EDIL3: variants seen among roughly 807,000 people sequenced by gnomAD.
EDIL3 encodes the protein EGF like and discoidin domains 3, also known as EGF-like repeat and discoidin I-like domain-containing protein 3.
EDIL3 carries 37 observed loss-of-function variants against 67.4 expected under a neutral mutation model. That is an observed-to-expected ratio of 0.55 (90% confidence interval 0.42 to 0.72). The LOEUF (loss-of-function observed/expected upper bound fraction) is 0.72. EDIL3 is among the 30% of genes least tolerant of loss of function. EDIL3 has a pLI of 0.00. For missense variants in EDIL3, 527 were observed against 586.3 expected, an observed-to-expected ratio of 0.90 and a Z score of 1.04; for synonymous variants, 195 against 196.3, an observed-to-expected ratio of 0.99 and a Z score of 0.05.
At chr5:84,190,445 G>T (rs1743555568) in intron 3 of EDIL3, among the ~76,000 whole-genome samples, 1 of 151,450 alleles carries the variant, frequency 6.6e-6, no homozygotes, top group African/African-American at 2.4e-5. Flanking sequence ...TATCACCCAG[G>T]TTTGCCATTA....
chr5:84,106,101 T>A (rs1418032142), intron 6 of EDIL3, among the ~76,000 whole-genome samples: 1 of 152,090 alleles, frequency 6.6e-6, no homozygotes, highest in Non-Finnish European at 1.5e-5. Context: ...TGCTACCCCC[T>A]CTGGGAAATC....
At chr5:84,253,393 GA>G (rs1049979507) in intron 2 of EDIL3, among the ~76,000 whole-genome samples, 1 of 152,146 alleles carries the variant, frequency 6.6e-6, no homozygotes, top group Non-Finnish European at 1.5e-5. Flanking sequence ...TAGTTAGAGA[GA>G]AAATCTCTGC....
chr5:84,074,417 C>A, intron 6 of EDIL3, among the ~76,000 whole-genome samples: 1 of 152,170 alleles, frequency 6.6e-6, no homozygotes, highest in African/African-American at 2.4e-5. Flanking sequence ...ATTCAACCCA[C>A]AAAATGGGAG....
At chr5:84,107,097 T>G (rs1405887721) in intron 5 of EDIL3, among the ~76,000 whole-genome samples, 2 of 152,136 alleles carry the variant, frequency 1.3e-5, no homozygotes, top group African/African-American at 4.8e-5. Context: ...TCTGTACTGA[T>G]AGCTTCTGGT....
chr5:84,139,902 T>C (rs537785709), intron 4 of EDIL3, among the ~76,000 whole-genome samples: 1 of 152,244 alleles, frequency 6.6e-6, no homozygotes, highest in South Asian at 2.1e-4. Context: ...CATGATATGA[T>C]CGTGTGTTTA....
At chr5:84,050,376 C>A (rs1251023254) in intron 9 of EDIL3, among the ~76,000 whole-genome samples, 1 of 152,114 alleles carries the variant, frequency 6.6e-6, no homozygotes, top group East Asian at 1.9e-4. Flanking sequence ...GTCTACAGCT[C>A]CCAGTGTGAG....
intron 1 of EDIL3, among the ~76,000 whole-genome samples, chr5:84,260,536 G>A (rs1745207393): frequency 2.0e-5 from 3 of 152,134 alleles, no homozygotes; most frequent in Non-Finnish European, 4.4e-5. Context: ...CTCTTTATAT[G>A]CAGTAAACAT....
intron 9 of EDIL3, among the ~76,000 whole-genome samples, chr5:83,995,157 T>TACACACACACACACAC (rs370763993): frequency 7.4e-5 from 11 of 149,160 alleles, no homozygotes; most frequent in African/African-American, 2.5e-4. Flanking sequence ...CACACACACA[T>TACACACACACACACAC]ACACACACAC....
chr5:84,084,624 A>T (rs911524002), intron 6 of EDIL3, among the ~76,000 whole-genome samples: 1 of 152,198 alleles, frequency 6.6e-6, no homozygotes, highest in African/African-American at 2.4e-5. Flanking sequence ...TTAAATAACA[A>T]CTAAAAGTAT....
intron 9 of EDIL3, among the ~76,000 whole-genome samples, chr5:83,980,938 G>A (rs1199720065): frequency 6.6e-6 from 1 of 151,778 alleles, no homozygotes; most frequent in Non-Finnish European, 1.5e-5. Flanking sequence ...TTCAACAAAG[G>A]AAATGCAAGA....
intron 9 of EDIL3, among the ~76,000 whole-genome samples, chr5:83,990,858 C>A (rs577885803): frequency 1.2e-3 from 186 of 149,674 alleles, no homozygotes; most frequent in African/African-American, 4.4e-3. Flanking sequence ...CCAGCCTGGG[C>A]AACAGAGAAA....
chr5:84,249,128 G>C (rs1434548780), intron 2 of EDIL3, among the ~76,000 whole-genome samples: 3 of 151,858 alleles, frequency 2.0e-5, no homozygotes, highest in Non-Finnish European at 4.4e-5. Context: ...ACTTCTTTCA[G>C]TTTATGACAT....
At chr5:84,215,447 C>T (rs150970993) in intron 3 of EDIL3, among the ~76,000 whole-genome samples, 9,287 of 152,074 alleles carry the variant, frequency 0.061, 933 homozygotes, top group African/African-American at 0.21. Flanking sequence ...AGAGATGGGG[C>T]TTCACTGTGT....
At chr5:84,257,854 A>T (rs1323235718) in intron 1 of EDIL3, among the ~76,000 whole-genome samples, 1 of 152,158 alleles carries the variant, frequency 6.6e-6, no homozygotes, top group African/African-American at 2.4e-5. Flanking sequence ...AGAGAAACGA[A>T]GAGAGGAGAG....
intron 9 of EDIL3, among the ~76,000 whole-genome samples, chr5:84,007,927 A>G (rs1745447450): frequency 6.6e-6 from 1 of 152,224 alleles, no homozygotes; most frequent in Non-Finnish European, 1.5e-5. Context: ...GTATATATCC[A>G]CAATGGAGTA....
At chr5:84,068,817 G>A (rs962668334) in intron 6 of EDIL3, among the ~76,000 whole-genome samples, 1 of 152,018 alleles carries the variant, frequency 6.6e-6, no homozygotes, top group South Asian at 2.1e-4. Flanking sequence ...TTCAATATAA[G>A]GAAGCTAAGC....
At chr5:84,374,627 G>A (rs528447812) in intron 1 of EDIL3, among the ~76,000 whole-genome samples, 2 of 152,272 alleles carry the variant, frequency 1.3e-5, no homozygotes, top group South Asian at 4.1e-4. Context: ...TTGGCTCTGG[G>A]TCCCCACCCA....
chr5:83,982,454 C>G (rs571473867), intron 9 of EDIL3, among the ~76,000 whole-genome samples: 1 of 152,152 alleles, frequency 6.6e-6, no homozygotes, highest in African/African-American at 2.4e-5. Context: ...TTTCTCCTCC[C>G]AGGCTTTCCT....
At chr5:83,994,025 A>T (rs144411811) in intron 9 of EDIL3, among the ~76,000 whole-genome samples, 258 of 152,290 alleles carry the variant, frequency 1.7e-3, no homozygotes, top group African/African-American at 6.1e-3. Flanking sequence ...AACTATGTGC[A>T]GTGCTCTTAA....
Sources: allele counts gnomAD v4.1 joint callset (sites outside exome capture counted in the v4.1 genomes callset), GRCh38; gene constraint gnomAD v4.1.1; transcripts MANE v1.5; gene names NCBI Gene and HGNC (gene_info 2026-07-23, HGNC 2026-07-21).